RAD51: variants seen among roughly 807,000 people sequenced by gnomAD.
RAD51 encodes the protein RAD51 recombinase, also known as DNA repair protein RAD51 homolog 1.
A neutral mutation model predicts 41.5 loss-of-function variants in RAD51; 14 were observed. The observed-to-expected ratio is 0.34, with a 90% CI of 0.22 to 0.53. The LOEUF is 0.53. RAD51 is among the 20% of genes least tolerant of loss of function. The probability of loss-of-function intolerance (pLI) is 0.95; values close to 1 mark genes in which losing one functional copy is unlikely to be tolerated. For missense variants in RAD51, 234 were observed against 422.0 expected (o/e 0.55, Z 3.90); for synonymous variants, 136 against 148.6 (o/e 0.92, Z 0.62).
intron 5 of RAD51, among the ~76,000 whole-genome samples, chr15:40,716,818 G>A (rs566998803): frequency 1.3e-3 from 199 of 151,160 alleles, no homozygotes; most frequent in African/African-American, 4.5e-3. Context: ...CCGCCACCAC[G>A]CCCGGCTAAT....
intron 5 of RAD51, among the ~76,000 whole-genome samples, chr15:40,712,877 C>CTTTTTTTTTTTTTTTT (rs398039433): frequency 9.6e-6 from 1 of 103,898 alleles, no homozygotes; most frequent in Non-Finnish European, 1.8e-5. Flanking sequence ...CTTTTCTTTT[C>CTTTTTTTTTTTTTTTT]TTTTTTTTTT....
At chr15:40,721,765 A>T (rs528049937) in intron 6 of RAD51, among the ~76,000 whole-genome samples, 2 of 152,232 alleles carry the variant, frequency 1.3e-5, no homozygotes, top group South Asian at 4.1e-4. Context: ...ATTAAAATAG[A>T]TAACAGTGTG....
At chr15:40,709,786 T>A (rs1276476753) in intron 5 of RAD51, among the ~76,000 whole-genome samples, 1 of 152,200 alleles carries the variant, frequency 6.6e-6, no homozygotes. Flanking sequence ...ATGAAACTCA[T>A]CTATCTTCTC....
In RAD51 at chr15:40,715,053, AC is replaced by A. The variant is rs1895917432; in HGVS notation, c.436-3750del. ...TCTGAGAAGACAATTTAACATAAGTACCAGTTTTAAAAGCACATGCCCATGC... is the reference window on the plus strand; with the variant it reads ...TCTGAGAAGACAATTTAACATAAGTACAGTTTTAAAAGCACATGCCCATGC... On this transcript the variant is annotated intron_variant, in intron 5 of 9. Coordinates refer to ENST00000267868, the MANE Select transcript of RAD51 (RefSeq NM_002875.5). Among the ~76,000 whole-genome samples the A allele has an allele frequency of 2.6e-5, 4 of 152,236 alleles. No homozygotes were observed. In the South Asian group the frequency reaches 8.3e-4, roughly 32 times the overall value.
At chr15:40,720,408 T>TC (rs1317841846) in intron 6 of RAD51, among the ~76,000 whole-genome samples, 1 of 151,942 alleles carries the variant, frequency 6.6e-6, no homozygotes, top group African/African-American at 2.4e-5. Flanking sequence ...TGAATGCTTT[T>TC]CCCCCTAAAG....
chr15:40,700,935 C>T (rs966879655), intron 2 of RAD51, 129 bp from the exon 3 acceptor site: 2 of 860,718 alleles, frequency 2.3e-6, no homozygotes, highest in Admixed American at 2.5e-5. Flanking sequence ...CCCCGCCCCC[C>T]CAAGGATTTC....
At chr15:40,711,342 C>A (rs1467601415) in intron 5 of RAD51, among the ~76,000 whole-genome samples, 1 of 152,314 alleles carries the variant, frequency 6.6e-6, no homozygotes, top group East Asian at 1.9e-4. Flanking sequence ...GTGGTAGAAT[C>A]TCTTGAGCCC....
At chr15:40,719,354 C>T (rs1034165198) in intron 6 of RAD51, among the ~76,000 whole-genome samples, 2 of 151,118 alleles carry the variant, frequency 1.3e-5, no homozygotes, top group Admixed American at 6.6e-5. Flanking sequence ...CCACCGCACC[C>T]GGCCAGAAAA....
chr15:40,719,781 G>A (rs1896178643), intron 6 of RAD51, among the ~76,000 whole-genome samples: 1 of 151,724 alleles, frequency 6.6e-6, no homozygotes, highest in Non-Finnish European at 1.5e-5. Flanking sequence ...GCAGTGAGCC[G>A]AGATCGCGCC....
At chr15:40,704,064 T>C (rs1394199492) in intron 3 of RAD51, among the ~76,000 whole-genome samples, 2 of 151,010 alleles carry the variant, frequency 1.3e-5, no homozygotes, top group Non-Finnish European at 3.0e-5. Context: ...CACCATGCCC[T>C]GCTATTTATT....
chr15:40,729,774 G>C (rs918342812), intron 8 of RAD51, 79 bp from the exon 9 acceptor site: 1 of 1,611,426 alleles, frequency 6.2e-7, no homozygotes, highest in Non-Finnish European at 8.5e-7. Flanking sequence ...TCGTTATTTT[G>C]TGGGGGAAAG....
At chr15:40,730,998 G>A in intron 9 of RAD51, 57 bp from the exon 10 acceptor site, 1 of 1,610,970 alleles carries the variant, frequency 6.2e-7, no homozygotes, top group Non-Finnish European at 8.5e-7. Context: ...TACAAAGTCA[G>A]GAACGGAATT....
intron 4 of RAD51, among the ~76,000 whole-genome samples, chr15:40,707,511 T>G (rs1012156540): frequency 1.3e-5 from 2 of 151,898 alleles, no homozygotes; most frequent in Admixed American, 1.3e-4. Flanking sequence ...TTCACCACGT[T>G]GGCTAGGTTG....
chr15:40,696,293 G>A (rs933380889), intron 1 of RAD51, among the ~76,000 whole-genome samples: 3 of 152,136 alleles, frequency 2.0e-5, no homozygotes, highest in African/African-American at 7.2e-5. Flanking sequence ...AAAATATACT[G>A]GCCGGGCGTC....
chr15:40,696,871 C>T (rs1456006556), intron 1 of RAD51, among the ~76,000 whole-genome samples: 1 of 152,066 alleles, frequency 6.6e-6, no homozygotes, highest in Admixed American at 6.6e-5. Flanking sequence ...GACATCTGTT[C>T]ATATGTTTTT....
At chr15:40,707,517 G>A (rs933766595) in intron 4 of RAD51, among the ~76,000 whole-genome samples, 68 of 151,878 alleles carry the variant, frequency 4.5e-4, no homozygotes, top group African/African-American at 1.5e-3. Context: ...ACGTTGGCTA[G>A]GTTGGTCTCG....
rs1347433257 is a variant in RAD51, at chr15:40,731,604, C to A, written c.*426C>A. The A allele has an allele frequency of 3.9e-5, 10 of 254,630 alleles. No individual in the cohort carries two copies. Among genetic ancestry groups the A allele is most frequent in the African/African-American group, 2.0e-4 (9 of 45,602 alleles). The allele number at this position is 254,630 out of a possible 1,614,324, so 15.8% of individuals were successfully genotyped here. A position where few individuals can be genotyped will look rare whatever the true frequency, so the allele number is the denominator to read the frequency against. ...CTATGTAGCAAAGGGAATGGGTCTG[C>A]ACAGATTCTTTTTTTCTGTCAGTAA... On this transcript the variant is annotated 3_prime_UTR_variant, in exon 10 of 10. Coordinates refer to ENST00000267868, the MANE Select transcript of RAD51 (RefSeq NM_002875.5).
At chr15:40,722,626 G>A (rs1896338541) in intron 6 of RAD51, among the ~76,000 whole-genome samples, 1 of 152,108 alleles carries the variant, frequency 6.6e-6, no homozygotes, top group Non-Finnish European at 1.5e-5. Flanking sequence ...TGTCCTTAAT[G>A]TGCCTGAACT....
chr15:40,730,199 C>T (rs1186171768), intron 9 of RAD51, among the ~76,000 whole-genome samples: 1 of 152,062 alleles, frequency 6.6e-6, no homozygotes, highest in Non-Finnish European at 1.5e-5. Flanking sequence ...AATTGATATG[C>T]CTCTCCCCTG....
Sources: gnomAD v4.1 joint callset for allele counts (sites outside exome capture counted in the v4.1 genomes callset) on GRCh38, gnomAD v4.1.1 for gene constraint, MANE v1.5 for transcripts, NCBI Gene and HGNC (gene_info 2026-07-23, HGNC 2026-07-21) for gene names.